Variants in HHIP observed in about 807,000 individuals in gnomAD.
HHIP encodes the protein hedgehog interacting protein, also known as hedgehog-interacting protein.
Under a neutral mutation model 74.0 loss-of-function variants are expected in HHIP, and 12 were observed. That is an observed-to-expected ratio of 0.16 (90% CI 0.10 to 0.26). The LOEUF is 0.26. Among genes scored for constraint, HHIP ranks in the 10% least tolerant of loss-of-function variants. The pLI, the probability that HHIP is intolerant of heterozygous loss-of-function variation, is 1.00. For missense variants in HHIP, 788 were observed against 845.0 expected (o/e 0.93, Z 0.84); for synonymous variants, 309 against 311.6 (o/e 0.99, Z 0.09).
chr4:144,669,370 T>C (rs535478879), intron 4 of HHIP, among the ~76,000 whole-genome samples: 7 of 152,184 alleles, frequency 4.6e-5, no homozygotes, highest in Non-Finnish European at 8.8e-5. Context: ...CAGCTGACAA[T>C]GTATATGGTC....
rs140749753 is a variant in HHIP at position 144,672,605 on chromosome 4, G to C, written c.831+12767G>C. Among the ~76,000 whole-genome samples, 63 of 152,312 alleles carry C rather than the reference G, an allele frequency of 4.1e-4. 1 individual carries two copies. The highest frequency in any genetic ancestry group is 1.5e-3 in the African/African-American group (61 of 41,574). ...TGCTAAGGTCTTTGGCTTCTATACT[G>C]AGTGAGATGAGTGAGATGGGGAATC... On this transcript the variant is annotated intron_variant, in intron 4 of 12. Coordinates refer to ENST00000296575, the MANE Select transcript of HHIP (RefSeq NM_022475.3).
Position 144,646,571 on chromosome 4 carries a change from T to C in HHIP, c.-105T>C, listed in dbSNP as rs1728264465. The C allele has an allele frequency of 2.5e-6, 3 of 1,202,076 alleles. No individual in the cohort carries two copies. The highest frequency in any genetic ancestry group is 3.0e-5 in the African/African-American group (2 of 65,804). The allele number at this position is 1,202,076 out of a possible 1,614,324, so 74.5% of individuals were successfully genotyped here. A position where few individuals can be genotyped will look rare whatever the true frequency, so the allele number is the denominator to read the frequency against. On this transcript the variant is annotated 5_prime_UTR_variant, in exon 1 of 13. Transcript: ENST00000296575. ...ACCTCCCTCTGTCTCTGGAGTGCCC[T>C]ACAGCCCCGCAAACTCCTCCTGGAG...
At chr4:144,654,570 T>C (rs1728510947) in intron 2 of HHIP, among the ~76,000 whole-genome samples, 1 of 152,210 alleles carries the variant, frequency 6.6e-6, no homozygotes, top group African/African-American at 2.4e-5. Flanking sequence ...ACACAGTCTT[T>C]GCATTACTTA....
chr4:144,737,423 G>A (rs553617729), intron 12 of HHIP, among the ~76,000 whole-genome samples: 3 of 152,304 alleles, frequency 2.0e-5, no homozygotes, highest in Middle Eastern at 3.4e-3. Flanking sequence ...TAGAGCTTGG[G>A]AGGCCCTCTG....
chr4:144,738,318 A>G lies in HHIP; in HGVS notation c.*361A>G, dbSNP rs201320652. The G allele has an allele frequency of 8.9e-5, 87 of 982,176 alleles. No individual in the cohort carries two copies. The highest frequency in any genetic ancestry group is 9.9e-5 in the Non-Finnish European group (82 of 826,042). The allele number at this position is 982,176 out of a possible 1,614,324, so 60.8% of individuals were successfully genotyped here. A position where few individuals can be genotyped will look rare whatever the true frequency, so the allele number is the denominator to read the frequency against. ...CAGGAATTTTCTGTCTGTAATCACTAAAGTCAACTTTAATAGAGTTTTGAA... is the reference window on the plus strand; with the variant it reads ...CAGGAATTTTCTGTCTGTAATCACTGAAGTCAACTTTAATAGAGTTTTGAA... On this transcript the variant is annotated 3_prime_UTR_variant, in exon 13 of 13. Transcript: ENST00000296575.
intron 4 of HHIP, among the ~76,000 whole-genome samples, chr4:144,668,438 G>A (rs1728939187): frequency 6.6e-6 from 1 of 151,800 alleles, no homozygotes; most frequent in Non-Finnish European, 1.5e-5. Flanking sequence ...TCAGTGAAAT[G>A]TGCTGAAGAT....
At chr4:144,678,254 C>G (rs1215961969) in intron 4 of HHIP, among the ~76,000 whole-genome samples, 1 of 152,150 alleles carries the variant, frequency 6.6e-6, no homozygotes, top group Non-Finnish European at 1.5e-5. Flanking sequence ...TATGAAACAT[C>G]TAATGATGAG....
chr4:144,741,494 C>A lies in HHIP; in HGVS notation c.*3537C>A, dbSNP rs1289651700. The A allele has an allele frequency of 6.6e-6, 1 of 151,622 alleles. No homozygotes were observed. The highest frequency in any genetic ancestry group is 2.4e-5 in the African/African-American group (1 of 41,154). The allele number at this position is 151,622 out of a possible 1,614,324, so 9.4% of individuals were successfully genotyped here. A position where few individuals can be genotyped will look rare whatever the true frequency, so the allele number is the denominator to read the frequency against. On this transcript the variant is annotated 3_prime_UTR_variant, in exon 13 of 13. Transcript: ENST00000296575. ...TCCCGGGTTCAAGCAATTCTCCTGCCTCAGCCTCCCAAGTAGCTGGGATTA... is the reference window on the plus strand; with the variant it reads ...TCCCGGGTTCAAGCAATTCTCCTGCATCAGCCTCCCAAGTAGCTGGGATTA...
chr4:144,705,433 G>A (rs1418803580), intron 4 of HHIP, among the ~76,000 whole-genome samples: 1 of 151,944 alleles, frequency 6.6e-6, no homozygotes, highest in Non-Finnish European at 1.5e-5. Flanking sequence ...TTTGCCATAC[G>A]CTATGTCGTG....
intron 4 of HHIP, among the ~76,000 whole-genome samples, chr4:144,674,687 C>T (rs1729128370): frequency 2.0e-5 from 3 of 152,130 alleles, no homozygotes; most frequent in Admixed American, 2.0e-4. Flanking sequence ...CAGGTACACA[C>T]CTTTTTAAGT....
At position 144,744,090 on chromosome 4, in the gene HHIP, A is replaced by G. The variant is rs1317077916; in HGVS notation, c.*6133A>G. ...TTATATTCACAGCATATGTTTGGAC[A>G]TGCGTTTCACCAAGAACCATGTAGT... is the stretch of plus-strand genomic sequence containing the variant. On this transcript the variant is annotated 3_prime_UTR_variant, in exon 13 of 13. Transcript: ENST00000296575. 1.3e-5 allele frequency: 2 copies of G among 152,158 alleles called. No individual in the cohort carries two copies. Among genetic ancestry groups the G allele is most frequent in the Admixed American group, 6.5e-5 (1 of 15,268 alleles). 9.4% of individuals were successfully genotyped at this position (152,158 alleles called of 1,614,324 possible). A position where few individuals can be genotyped will look rare whatever the true frequency, so the allele number is the denominator to read the frequency against.
At chr4:144,704,784 G>A (rs1455325790) in intron 4 of HHIP, among the ~76,000 whole-genome samples, 1 of 152,146 alleles carries the variant, frequency 6.6e-6, no homozygotes, top group Non-Finnish European at 1.5e-5. Context: ...CTCGGGCCTC[G>A]TTAGACAATC....
At chr4:144,677,229 G>A (rs1729192411) in intron 4 of HHIP, among the ~76,000 whole-genome samples, 1 of 152,136 alleles carries the variant, frequency 6.6e-6, no homozygotes, top group Non-Finnish European at 1.5e-5. Flanking sequence ...CTTAAAAACT[G>A]AGTCTCAAAA....
Position 144,716,869 on chromosome 4 carries a change from A to G in HHIP, c.1678+1439A>G, listed in dbSNP as rs1578720723. On this transcript the variant is annotated intron_variant, in intron 10 of 12. Transcript: ENST00000296575. ...CGTCTCAAAAGAAAAAAAAAAAAAA[A>G]AAAAAAAAAAAAAAAAAAAGTAAAA... is the stretch of plus-strand genomic sequence containing the variant. Among the ~76,000 whole-genome samples, 6 of 136,582 alleles carry G rather than the reference A, an allele frequency of 4.4e-5. No individual in the cohort carries two copies. In the East Asian group the frequency reaches 1.1e-3, roughly 26 times the overall value. 89.6% of individuals were successfully genotyped at this position (136,582 alleles called of 152,430 possible).
At chr4:144,676,697 C>T (rs71614519) in intron 4 of HHIP, among the ~76,000 whole-genome samples, 3 of 152,112 alleles carry the variant, frequency 2.0e-5, no homozygotes, top group Non-Finnish European at 4.4e-5. Flanking sequence ...TATCAGTGTG[C>T]TTTCATCAGA....
intron 4 of HHIP, among the ~76,000 whole-genome samples, chr4:144,665,425 C>T (rs890912997): frequency 2.0e-5 from 3 of 152,184 alleles, no homozygotes; most frequent in Non-Finnish European, 2.9e-5. Context: ...GGCTTTTAAT[C>T]CAACTATTTT....
intron 4 of HHIP, among the ~76,000 whole-genome samples, chr4:144,687,789 C>T (rs1260516554): frequency 5.0e-5 from 6 of 119,362 alleles, no homozygotes; most frequent in South Asian, 2.9e-4. Context: ...TGCTATTGGC[C>T]TATAGGTCAT....
At chr4:144,659,896 T>C (rs750896177) in intron 4 of HHIP, 58 bp downstream of exon 4, 1 of 1,265,734 alleles carries the variant, frequency 7.9e-7, no homozygotes, top group Admixed American at 1.8e-5. Context: ...TATTTTAGTG[T>C]TACCTTCCTC....
intron 4 of HHIP, among the ~76,000 whole-genome samples, chr4:144,678,972 T>C (rs749703322): frequency 2.6e-5 from 4 of 152,188 alleles, no homozygotes; most frequent in Admixed American, 6.5e-5. Context: ...TCCACAATGG[T>C]TGAACTAATT....
Sources: allele counts gnomAD v4.1 joint callset (sites outside exome capture counted in the v4.1 genomes callset), GRCh38; gene constraint gnomAD v4.1.1; transcripts MANE v1.5; gene names NCBI Gene and HGNC (gene_info 2026-07-23, HGNC 2026-07-21).